Variants in BIRC6 observed in about 807,000 individuals in gnomAD.
BIRC6 encodes the protein baculoviral IAP repeat containing 6.
A neutral mutation model predicts 503.3 loss-of-function variants in BIRC6; 98 were observed. That is an observed-to-expected ratio of 0.19 (90% CI 0.17 to 0.23). The LOEUF (loss-of-function observed/expected upper bound fraction) is 0.23, where lower values mean the gene tolerates loss of function less well. Among genes scored for constraint, BIRC6 ranks in the 10% least tolerant of loss-of-function variants. The pLI is 1.00. For synonymous variants in BIRC6, 2,240 were observed against 2,078.7 expected (o/e 1.08, Z -2.11); for missense variants, 5,360 against 5,806.0 (o/e 0.92, Z 2.50).
intron 65 of BIRC6, among the ~76,000 whole-genome samples, chr2:32,555,969 G>A (rs2058750146): frequency 6.7e-6 from 1 of 148,634 alleles, no homozygotes; most frequent in South Asian, 2.1e-4. Context: ...TTAGCCCAAA[G>A]TATATTTTAA....
Position 32,445,567 on chromosome 2 carries a change from A to G in BIRC6, c.4383A>G (p.Glu1461=). 6.2e-7 allele frequency: 1 copy of G among 1,603,412 alleles called. No homozygotes were observed. Among genetic ancestry groups the G allele is most frequent in the South Asian group, 1.1e-5 (1 of 88,874 alleles). ...TCTTACTGAATTATGTGAAAGATGA[A>G]GATCTGGCTGGATGCAGTACAGCTT... ...YFVLLNYVKD[E]DLAGCSTACA... The change falls in exon 21 of 74, where the codon GAA becomes GAG. Residue 1461 remains glutamate, a synonymous_variant. Coordinates refer to ENST00000421745, the MANE Select transcript of BIRC6 (RefSeq NM_016252.4).
At chr2:32,424,801 C>A (rs2043308448) in intron 10 of BIRC6, among the ~76,000 whole-genome samples, 1 of 152,190 alleles carries the variant, frequency 6.6e-6, no homozygotes, top group African/African-American at 2.4e-5. Flanking sequence ...GTGTGAGCCA[C>A]CGCGTCTGGC....
At chr2:32,372,955 G>A (rs2036194121) in intron 1 of BIRC6, among the ~76,000 whole-genome samples, 1 of 152,094 alleles carries the variant, frequency 6.6e-6, no homozygotes, top group South Asian at 2.1e-4. Flanking sequence ...ATGTCTCCAG[G>A]GTAAATACAC....
intron 20 of BIRC6, among the ~76,000 whole-genome samples, chr2:32,443,945 A>G (rs535101903): frequency 5.8e-4 from 89 of 152,298 alleles, no homozygotes; most frequent in African/African-American, 1.8e-3. Context: ...AATAAGTAAA[A>G]CGGTCCAGGT....
At position 32,505,123 on chromosome 2, in the gene BIRC6, T is replaced by C; in HGVS notation, c.9618T>C (p.Ala3206=). The C allele has an allele frequency of 3.1e-6, 5 of 1,607,578 alleles. No homozygotes were observed. Among genetic ancestry groups the C allele is most frequent in the Non-Finnish European group, 1.7e-6 (2 of 1,176,788 alleles). Residue 3206 remains alanine, a synonymous_variant, in exon 50 of 74, where the codon GCT becomes GCC. Coordinates refer to ENST00000421745, the MANE Select transcript of BIRC6 (RefSeq NM_016252.4). The part of the protein sequence containing the change: ...AWSYIFLPEE[A]WCDLTIHLPA... Reference sequence around the variant, plus strand: ...CCTACATCTTTCTTCCAGAGGAGGCTTGGTGTGACCTTACCATTCACCTTC... The same window carrying C: ...CCTACATCTTTCTTCCAGAGGAGGCCTGGTGTGACCTTACCATTCACCTTC...
chr2:32,603,552 C>T (rs2062208590), intron 71 of BIRC6, among the ~76,000 whole-genome samples: 1 of 151,998 alleles, frequency 6.6e-6, no homozygotes, highest in South Asian at 2.1e-4. Flanking sequence ...CGCATCTCTA[C>T]TAAAAATACA....
Position 32,529,650 on chromosome 2 carries a change from G to T in BIRC6, c.11921-1G>T. The T allele has an allele frequency of 1.3e-6, 2 of 1,578,938 alleles. No individual in the cohort carries two copies. The highest frequency in any genetic ancestry group is 1.2e-5 in the South Asian group (1 of 84,834). On this transcript the variant is annotated splice_acceptor_variant, in intron 59 of 73. Transcript: ENST00000421745. LOFTEE classifies it high-confidence loss of function. The stretch of plus-strand genomic sequence containing the variant: ...GATTTAACTTAGTTATATCATTTTA[G>T]GCCAGCCATTGCCAGCTGAAATGAC...
rs187757440 is a variant in BIRC6, at chr2:32,555,358, A to T, written c.13144+5877A>T. Among the ~76,000 whole-genome samples, 408 of 152,202 alleles carry T rather than the reference A, an allele frequency of 2.7e-3. 1 individual carries two copies. The highest frequency in any genetic ancestry group is 9.2e-3 in the African/African-American group (380 of 41,530). ...CTTCATCTCTATTAAAAACTAAAAT[A>T]GGCCGGGTGAAGTGGCTCAAGCCTA... On this transcript the variant is annotated intron_variant, in intron 65 of 73. Transcript: ENST00000421745.
At chr2:32,590,690 C>G (rs1305443244) in intron 66 of BIRC6, 3 of 736,686 alleles carry the variant, frequency 4.1e-6, no homozygotes, top group African/African-American at 1.9e-5. Flanking sequence ...TGTCACAGAG[C>G]CAAAATTTGT....
chr2:32,450,693 G>T (rs2046611905), intron 22 of BIRC6, among the ~76,000 whole-genome samples: 1 of 152,060 alleles, frequency 6.6e-6, no homozygotes. Context: ...CTATCCGTGG[G>T]GAATTGGTTC....
chr2:32,545,756 C>G lies in BIRC6; in HGVS notation c.12706C>G (p.Arg4236Gly). The G allele has an allele frequency of 1.2e-6, 2 of 1,613,804 alleles. No homozygotes were observed. Among genetic ancestry groups the G allele is most frequent in the Non-Finnish European group, 1.7e-6 (2 of 1,179,792 alleles). Reference protein sequence around the residue: ...LTTDDGVLLRRMALEIGALHL... With the variant: ...LTTDDGVLLRGMALEIGALHL... The stretch of plus-strand genomic sequence containing the variant: ...AACTGATGATGGTGTACTTCTAAGG[C>G]GGATGGCATTGGAAATTGGAGCCTT... Residue 4236 changes from arginine (R) to glycine (G), a missense_variant, in exon 63 of 74, where the codon CGG (arginine) becomes GGG (glycine). Arg to Gly is a moderately radical substitution (Grantham distance 125, BLOSUM62 -2). Transcript: ENST00000421745.
In BIRC6 at chr2:32,481,463, A is replaced by C. The variant is rs752221611; in HGVS notation, c.7542+10A>C. 3.8e-6 allele frequency: 6 copies of C among 1,599,982 alleles called. No individual in the cohort carries two copies. The highest frequency in any genetic ancestry group is 5.1e-6 in the Non-Finnish European group (6 of 1,173,196). On this transcript the variant is annotated intron_variant, in intron 38 of 73. Transcript: ENST00000421745. ...AGCCAAGGTTTTTAAGGTATGATAC[A>C]TGAGAATAGTCTTTGAAAGGAGGCC...
intron 53 of BIRC6, among the ~76,000 whole-genome samples, chr2:32,511,639 T>C (rs867430063): frequency 4.0e-5 from 6 of 151,874 alleles, no homozygotes; most frequent in Non-Finnish European, 8.8e-5. Flanking sequence ...CAACTTGAAG[T>C]AGTTTTGAAA....
intron 23 of BIRC6, among the ~76,000 whole-genome samples, chr2:32,454,346 T>G (rs543163031): frequency 2.0e-5 from 3 of 152,298 alleles, no homozygotes; most frequent in African/African-American, 7.2e-5. Context: ...TAAAACAACC[T>G]TGAATATGTG....
intron 61 of BIRC6, among the ~76,000 whole-genome samples, chr2:32,536,376 T>G (rs1169005014): frequency 6.6e-6 from 1 of 152,240 alleles, no homozygotes; most frequent in East Asian, 1.9e-4. Context: ...CATGACGTCC[T>G]TGCCCATGCC....
At chr2:32,358,998 G>T (rs2033633908) in intron 1 of BIRC6, among the ~76,000 whole-genome samples, 1 of 152,130 alleles carries the variant, frequency 6.6e-6, no homozygotes, top group East Asian at 1.9e-4. Flanking sequence ...GTATGAAAAG[G>T]TATGAAGAGT....
Position 32,464,651 on chromosome 2 carries a change from C to T in BIRC6, c.5084C>T (p.Pro1695Leu). ...TTCATTCATCCATCTGATGTTATTC[C>T]ACCCACTCCAAAAACAACACCTCTT... Reference protein sequence around the residue: ...GFFIHPSDVIPPTPKTTPLFM... With the variant: ...GFFIHPSDVILPTPKTTPLFM... The change falls in exon 25 of 74, where the codon CCA (proline) becomes CTA (leucine). Residue 1695 changes from proline to leucine, a missense_variant. By Grantham distance (98) the Pro-to-Leu change is moderately conservative (BLOSUM62 -3). Transcript: ENST00000421745. The T allele has an allele frequency of 6.2e-7, 1 of 1,613,912 alleles. No homozygotes were observed. Among genetic ancestry groups the T allele is most frequent in the Non-Finnish European group, 8.5e-7 (1 of 1,179,876 alleles).
At chr2:32,476,637 A>G (rs1466797946) in intron 34 of BIRC6, among the ~76,000 whole-genome samples, 1 of 152,136 alleles carries the variant, frequency 6.6e-6, no homozygotes, top group Non-Finnish European at 1.5e-5. Flanking sequence ...GTTTATTTCC[A>G]TTTTACAATA....
intron 69 of BIRC6, among the ~76,000 whole-genome samples, chr2:32,599,021 C>CAAA (rs35744882): frequency 0.024 from 671 of 27,622 alleles, 55 homozygotes; most frequent in Middle Eastern, 0.083. Flanking sequence ...AACTCCATCT[C>CAAA]AAAAAAAAAA....
Sources: allele counts gnomAD v4.1 joint callset (sites outside exome capture counted in the v4.1 genomes callset), GRCh38; gene constraint gnomAD v4.1.1; transcripts MANE v1.5; gene names NCBI Gene and HGNC (gene_info 2026-07-23, HGNC 2026-07-21).